Variants in SDK1 observed in about 807,000 individuals in gnomAD.
SDK1 encodes the protein protein sidekick-1.
SDK1 carries 157 observed loss-of-function variants against 245.5 expected under a neutral mutation model. That is an observed-to-expected ratio of 0.64 (90% CI 0.56 to 0.73). SDK1 has a LOEUF of 0.73. Ranked by LOEUF, SDK1 falls within the 30% of genes least tolerant of loss-of-function variation. SDK1 has a pLI of 0.00. For missense variants in SDK1, 3,583 were observed against 3,002.3 expected (o/e 1.19, Z -4.52); for synonymous variants, 1,647 against 1,278.5 (o/e 1.29, Z -6.15).
chr7:3,470,148 G>C (rs1781135144), intron 1 of SDK1, among the ~76,000 whole-genome samples: 1 of 152,084 alleles, frequency 6.6e-6, no homozygotes, highest in South Asian at 2.1e-4. Context: ...TTTTCAGCTG[G>C]TCTAGTTTGA....
chr7:3,854,831 A>G (rs950526467), intron 5 of SDK1, among the ~76,000 whole-genome samples: 2 of 152,182 alleles, frequency 1.3e-5, no homozygotes, highest in Admixed American at 6.5e-5. Context: ...ATGGGAAGGG[A>G]TGTATTATGA....
At chr7:3,939,111 C>G (rs1022449777) in intron 5 of SDK1, among the ~76,000 whole-genome samples, 2 of 152,226 alleles carry the variant, frequency 1.3e-5, no homozygotes, top group Admixed American at 6.5e-5. Flanking sequence ...CTTTCCCTCC[C>G]TCCTGCTGGG....
At chr7:4,029,228 T>TTTTTTTTTGTGTGTGAAGAAGTGTGTG (rs746967075) in intron 17 of SDK1, among the ~76,000 whole-genome samples, 1 of 112,088 alleles carries the variant, frequency 8.9e-6, no homozygotes, top group African/African-American at 5.0e-5. Context: ...TTTTTTTTTT[T>TTTTTTTTTGTGTGTGAAGAAGTGTGTG]TGTGAAGAAG....
At chr7:3,698,645 G>A (rs1459894921) in intron 4 of SDK1, among the ~76,000 whole-genome samples, 1 of 152,142 alleles carries the variant, frequency 6.6e-6, no homozygotes, top group Admixed American at 6.5e-5. Context: ...AGTTCTGGAG[G>A]CTAAAAGTTC....
chr7:3,935,831 G>A (rs1780140497), intron 5 of SDK1, among the ~76,000 whole-genome samples: 1 of 152,186 alleles, frequency 6.6e-6, no homozygotes, highest in African/African-American at 2.4e-5. Flanking sequence ...AAACAGCATG[G>A]TAGTTCCTCC....
chr7:3,723,674 G>T (rs531618576), intron 4 of SDK1, among the ~76,000 whole-genome samples: 1 of 151,456 alleles, frequency 6.6e-6, no homozygotes, highest in Non-Finnish European at 1.5e-5. Context: ...GTGTGTGTGT[G>T]TGTGTATACG....
intron 1 of SDK1, among the ~76,000 whole-genome samples, chr7:3,455,573 T>A (rs1452115109): frequency 6.6e-6 from 1 of 152,140 alleles, no homozygotes; most frequent in Non-Finnish European, 1.5e-5. Context: ...TTCATCCGTG[T>A]AAAAAATTAG....
chr7:3,406,622 A>T (rs902637493), intron 1 of SDK1, among the ~76,000 whole-genome samples: 3 of 152,140 alleles, frequency 2.0e-5, no homozygotes, highest in Non-Finnish European at 2.9e-5. Flanking sequence ...TAGTTTTATC[A>T]TCCAGACCAG....
intron 19 of SDK1, among the ~76,000 whole-genome samples, chr7:4,062,803 A>G (rs1779623381): frequency 6.6e-6 from 1 of 152,230 alleles, no homozygotes; most frequent in South Asian, 2.1e-4. Flanking sequence ...GGTTCAACAT[A>G]TACATATCCA....
At chr7:3,968,400 T>G (rs533156952) in intron 10 of SDK1, among the ~76,000 whole-genome samples, 1 of 152,310 alleles carries the variant, frequency 6.6e-6, no homozygotes, top group African/African-American at 2.4e-5. Context: ...TGTATCGGGC[T>G]GACATGCCAA....
intron 35 of SDK1, among the ~76,000 whole-genome samples, chr7:4,199,692 G>A (rs1048313682): frequency 6.6e-5 from 10 of 151,874 alleles, no homozygotes; most frequent in Non-Finnish European, 1.0e-4. Flanking sequence ...GGCTATGGAA[G>A]GAGAGTGTCC....
At chr7:4,193,372 T>TATATATA (rs1783348443) in intron 35 of SDK1, among the ~76,000 whole-genome samples, 5 of 103,078 alleles carry the variant, frequency 4.9e-5, no homozygotes, top group African/African-American at 1.9e-4. Context: ...ATTAAAATAT[T>TATATATA]TATATATATA....
intron 1 of SDK1, among the ~76,000 whole-genome samples, chr7:3,536,233 TGTG>T (rs761046457): frequency 4.0e-5 from 6 of 149,428 alleles, no homozygotes; most frequent in East Asian, 4.0e-4. Context: ...ATTTTTTTTT[TGTG>T]TGTGTGTTTT....
At chr7:3,335,017 A>G (rs956769113) in intron 1 of SDK1, among the ~76,000 whole-genome samples, 17 of 152,084 alleles carry the variant, frequency 1.1e-4, no homozygotes, top group Non-Finnish European at 2.5e-4. Flanking sequence ...GAATCCCATT[A>G]GTAAATTCTG....
At chr7:4,220,674 G>A (rs937854394) in intron 39 of SDK1, among the ~76,000 whole-genome samples, 5 of 152,136 alleles carry the variant, frequency 3.3e-5, no homozygotes, top group Non-Finnish European at 7.3e-5. Context: ...GGAAGGCGTG[G>A]GCTGCAGAAC....
intron 7 of SDK1, among the ~76,000 whole-genome samples, chr7:3,957,539 C>T (rs558480546): frequency 6.6e-6 from 1 of 152,076 alleles, no homozygotes; most frequent in African/African-American, 2.4e-5. Context: ...ATGTTGTTGT[C>T]GAATGTATGT....
At chr7:3,502,492 C>T (rs1315037326) in intron 1 of SDK1, among the ~76,000 whole-genome samples, 2 of 152,080 alleles carry the variant, frequency 1.3e-5, no homozygotes, top group East Asian at 1.9e-4. Flanking sequence ...TCAGGTGATC[C>T]ACCGCCTTGG....
chr7:3,614,588 A>G (rs1413321611), intron 1 of SDK1, among the ~76,000 whole-genome samples: 1 of 152,224 alleles, frequency 6.6e-6, no homozygotes, highest in East Asian at 1.9e-4. Flanking sequence ...AGACTTGAAT[A>G]CTGATCCTTC....
chr7:3,806,261 A>C lies in SDK1; in HGVS notation c.714-15189A>C, dbSNP rs111346065. On this transcript the variant is annotated intron_variant, in intron 4 of 44. Coordinates refer to ENST00000404826, the MANE Select transcript of SDK1 (RefSeq NM_152744.4). ...ACCATATCTGCAAAGTCCCTTTCCC[A>C]TGTGAGGTAACGTATCTCTAGGATG... Among the ~76,000 whole-genome samples, 97 of 151,916 alleles carry C rather than the reference A, an allele frequency of 6.4e-4. 2 individuals are homozygous for C. The highest frequency in any genetic ancestry group is 1.5e-4 in the Non-Finnish European group (10 of 68,032).
Sources: allele counts gnomAD v4.1 joint callset (sites outside exome capture counted in the v4.1 genomes callset), GRCh38; gene constraint gnomAD v4.1.1; transcripts MANE v1.5; gene names NCBI Gene and HGNC (gene_info 2026-07-23, HGNC 2026-07-21).